IBA57: variants seen among roughly 807,000 people sequenced by gnomAD.
The protein encoded by IBA57 is iron-sulfur cluster assembly factor IBA57, also known as iron-sulfur cluster assembly factor IBA57, mitochondrial.
Under a neutral mutation model 20.4 loss-of-function variants are expected in IBA57, and 20 were observed. The ratio of observed to expected loss-of-function variants is 0.98; its 90% CI spans 0.69 to 1.42. The LOEUF is 1.42. Ranked by LOEUF, IBA57 falls within the 40% of genes most tolerant of loss-of-function variation. IBA57 has a pLI of 0.00. For synonymous variants in IBA57, 310 were observed against 233.9 expected (o/e 1.33, Z -2.97); for missense variants, 608 against 499.3 (o/e 1.22, Z -2.07).
In IBA57 at chr1:228,175,788, G is replaced by C; in HGVS notation, c.*275G>C. 5.4e-6 allele frequency: 2 copies of C among 368,872 alleles called. No homozygotes were observed. The highest frequency in any genetic ancestry group is 7.3e-4 in the Middle Eastern group (1 of 1,364). The allele number at this position is 368,872 out of a possible 1,614,324, so 22.8% of individuals were successfully genotyped here. ...CCAGATGGCGCCGGGTCCCAATCGT[G>C]GCTCCACACAGGGTTGTCTGGGAGG... On this transcript the variant is annotated 3_prime_UTR_variant, in exon 3 of 3. Coordinates refer to ENST00000366711, the MANE Select transcript of IBA57 (RefSeq NM_001010867.4).
At chr1:228,167,712 C>T (rs896653555) in intron 1 of IBA57, among the ~76,000 whole-genome samples, 1 of 152,310 alleles carries the variant, frequency 6.6e-6, no homozygotes, top group East Asian at 1.9e-4. Flanking sequence ...GCCCTCAAGC[C>T]TAAGTTATTC....
At chr1:228,166,338 A>G (rs866194232) in intron 1 of IBA57, among the ~76,000 whole-genome samples, 181 bp downstream of exon 1, 27 of 151,906 alleles carry the variant, frequency 1.8e-4, no homozygotes, top group African/African-American at 6.3e-4. Flanking sequence ...ACTCAGGGTC[A>G]GGCACCCAGG....
At position 228,175,156 on chromosome 1, in the gene IBA57, G is replaced by C. The variant is rs949063916; in HGVS notation, c.714G>C (p.Gly238=). ...VPEGVRDLPP[G]VALPLESNLA... ...AGGGGGTCCGAGACTTGCCTCCTGG[G>C]GTGGCCCTGCCCCTGGAGTCCAACC... The change falls in exon 3 of 3, where the codon GGG becomes GGC. Residue 238 remains glycine, a synonymous_variant. Coordinates refer to ENST00000366711, the MANE Select transcript of IBA57 (RefSeq NM_001010867.4). 3.1e-6 allele frequency: 5 copies of C among 1,612,760 alleles called. No individual in the cohort carries two copies. The highest frequency in any genetic ancestry group is 4.2e-6 in the Non-Finnish European group (5 of 1,179,938).
In IBA57 at chr1:228,166,106, C is replaced by T. The variant is rs1199345320; in HGVS notation, c.290C>T (p.Ala97Val). Residue 97 changes from alanine to valine, a missense_variant, in exon 1 of 3, where the codon GCC becomes GTC. Coordinates refer to ENST00000366711, the MANE Select transcript of IBA57 (RefSeq NM_001010867.4). ...CCGCCTGCTGCGCGCGCGGGCTACGCCCACTTCCTGAACGTGCAGGGCCGG... is the reference window on the plus strand; with the variant it reads ...CCGCCTGCTGCGCGCGCGGGCTACGTCCACTTCCTGAACGTGCAGGGCCGG... Reference protein sequence around the residue: ...GAPPAARAGYAHFLNVQGRTL... With the variant: ...GAPPAARAGYVHFLNVQGRTL... The T allele has an allele frequency of 6.5e-7, 1 of 1,536,616 alleles. No individual in the cohort carries two copies. Among genetic ancestry groups the T allele is most frequent in the Admixed American group, 2.0e-5 (1 of 49,620 alleles).
At position 228,179,522 on chromosome 1, in the gene IBA57, A is replaced by G. The variant is rs781537018; in HGVS notation, c.*4009A>G. 6.6e-6 allele frequency: 1 copy of G among 152,178 alleles called. No homozygotes were observed. The highest frequency in any genetic ancestry group is 1.5e-5 in the Non-Finnish European group (1 of 68,038). 9.4% of individuals were successfully genotyped at this position (152,178 alleles called of 1,614,324 possible). On this transcript the variant is annotated 3_prime_UTR_variant, in exon 3 of 3. Transcript: ENST00000366711. ...TCCGCAATTTACGAGTAATTCCAGA[A>G]GGAGGGGAAAGAGAATATGGGGTGG...
rs2034911341 is a variant in IBA57 at position 228,170,641 on chromosome 1, G to T, written c.342-4051G>T. Among the ~76,000 whole-genome samples, 1 of 152,214 alleles carries T rather than the reference G, an allele frequency of 6.6e-6. No homozygotes were observed. Among genetic ancestry groups the T allele is most frequent in the Non-Finnish European group, 1.5e-5 (1 of 68,036 alleles). ...TTGGTTTTGATCTCTCTTCATGTAG[G>T]AGGCAGAGAGAGGCTGTAGGGTCAT... On this transcript the variant is annotated intron_variant, in intron 1 of 2. Coordinates refer to ENST00000366711, the MANE Select transcript of IBA57 (RefSeq NM_001010867.4). This position sits in a 1 kb window ranked among gnomAD's most constrained non-coding sequence, Gnocchi z 4.8.
rs1266137242 is a variant in IBA57, at chr1:228,176,385, C to G, written c.*872C>G. 1 of 152,516 alleles carries G rather than the reference C, an allele frequency of 6.6e-6. No individual in the cohort carries two copies. The highest frequency in any genetic ancestry group is 1.5e-5 in the Non-Finnish European group (1 of 68,296). 9.4% of individuals were successfully genotyped at this position (152,516 alleles called of 1,614,324 possible). On this transcript the variant is annotated 3_prime_UTR_variant, in exon 3 of 3. Coordinates refer to ENST00000366711, the MANE Select transcript of IBA57 (RefSeq NM_001010867.4). ...TATTAAAGAGTGAGCCACAGGCAGCCCCTTGGGAGCTCTGGTTTCATTTGG... is the reference window on the plus strand; with the variant it reads ...TATTAAAGAGTGAGCCACAGGCAGCGCCTTGGGAGCTCTGGTTTCATTTGG...
rs1298057318 is a variant in IBA57, at chr1:228,165,864, C to T, written c.48C>T (p.Gly16=). The T allele has an allele frequency of 1.5e-6, 2 of 1,313,590 alleles. No homozygotes were observed. The highest frequency in any genetic ancestry group is 1.9e-6 in the Non-Finnish European group (2 of 1,037,984). 81.4% of individuals were successfully genotyped at this position (1,313,590 alleles called of 1,614,324 possible). ...LLRGATPGRG[G]PVWRWRLRAA... ...GAGGCGCCACTCCGGGGCGCGGCGG[C>T]CCGGTCTGGCGCTGGCGGCTGCGCG... The change falls in exon 1 of 3, where the codon GGC becomes GGT. Residue 16 remains glycine, a synonymous_variant. Transcript: ENST00000366711.
chr1:228,175,491 G>C lies in IBA57; in HGVS notation c.1049G>C (p.Trp350Ser). 6.3e-7 allele frequency: 1 copy of C among 1,583,266 alleles called. No individual in the cohort carries two copies. The highest frequency in any genetic ancestry group is 8.6e-7 in the Non-Finnish European group (1 of 1,162,586). Residue 350 changes from tryptophan to serine, a missense_variant, in exon 3 of 3, where the codon TGG becomes TCG. Transcript: ENST00000366711. ...GCCTTAGCCGCATCTGTGCCAGACT[G>C]GTGGCCTACAGTCTCCAAGTAGTCC... The part of the protein sequence containing the change: ...QVALAASVPD[W>S]WPTVSK
rs74142624 is a variant in IBA57, at chr1:228,176,845, G to A, written c.*1332G>A. 7.3e-3 allele frequency: 1,098 copies of A among 151,210 alleles called. 12 individuals carry two copies. The highest frequency in any genetic ancestry group is 0.026 in the African/African-American group (1,049 of 41,074). The allele number at this position is 151,210 out of a possible 1,614,324, so 9.4% of individuals were successfully genotyped here. A position where few individuals can be genotyped will look rare whatever the true frequency, so the allele number is the denominator to read the frequency against. ...GTAGAGCGGATGGACGGGAGGAAGC[G>A]GCTGCAGCTGGAGGGAAGAGAGGGG... On this transcript the variant is annotated 3_prime_UTR_variant, in exon 3 of 3. Transcript: ENST00000366711.
chr1:228,174,949 C>G lies in IBA57; in HGVS notation c.599C>G (p.Thr200Ser), dbSNP rs149136930. The G allele has an allele frequency of 6.4e-7, 1 of 1,573,330 alleles. No individual in the cohort carries two copies. The part of the protein sequence containing the change: ...RTARMGWRLL[T>S]QDEGPALVPG... ...GCACGCATGGGGTGGCGGCTCCTCACCCAGGATGAAGGCCCAGCCCTGGTG... is the reference window on the plus strand; with the variant it reads ...GCACGCATGGGGTGGCGGCTCCTCAGCCAGGATGAAGGCCCAGCCCTGGTG... Residue 200 changes from threonine to serine, a missense_variant, in exon 2 of 3, where the codon ACC becomes AGC. Coordinates refer to ENST00000366711, the MANE Select transcript of IBA57 (RefSeq NM_001010867.4).
Position 228,180,956 on chromosome 1 carries a change from A to T in IBA57, c.*5443A>T, listed in dbSNP as rs949691452. On this transcript the variant is annotated 3_prime_UTR_variant, in exon 3 of 3. Transcript: ENST00000366711. ...CCACAGGTGCATGCTAATTTTTAAA[A>T]TTTTTTGTTTTTAAATGCTGGTCTT... The T allele has an allele frequency of 6.6e-5, 10 of 151,648 alleles. 1 individual carries two copies. Among genetic ancestry groups the T allele is most frequent in the African/African-American group, 2.2e-4 (9 of 41,258 alleles). 9.4% of individuals were successfully genotyped at this position (151,648 alleles called of 1,614,324 possible). A position where few individuals can be genotyped will look rare whatever the true frequency, so the allele number is the denominator to read the frequency against.
At chr1:228,168,133 CCTT>C (rs1376761024) in intron 1 of IBA57, among the ~76,000 whole-genome samples, 2 of 152,160 alleles carry the variant, frequency 1.3e-5, no homozygotes, top group East Asian at 1.9e-4. Flanking sequence ...CAAGACCAAC[CCTT>C]CTTCTCCTTC....
In IBA57 at chr1:228,178,837, G is replaced by A. The variant is rs1007832343; in HGVS notation, c.*3324G>A. On this transcript the variant is annotated 3_prime_UTR_variant, in exon 3 of 3. Coordinates refer to ENST00000366711, the MANE Select transcript of IBA57 (RefSeq NM_001010867.4). ...CGAGAGGAGAGGCAGGAGCCTGGGA[G>A]AGCCTCTGCTAGACCTTTCCTGGCA... The A allele has an allele frequency of 6.6e-6, 1 of 152,236 alleles. No homozygotes were observed. The highest frequency in any genetic ancestry group is 2.4e-5 in the African/African-American group (1 of 41,464). The allele number at this position is 152,236 out of a possible 1,614,324, so 9.4% of individuals were successfully genotyped here.
Position 228,180,885 on chromosome 1 carries a change from CTGGG to C in IBA57, c.*5373_*5376del, listed in dbSNP as rs2035099961. ...CATTGCCCAGGCTGGTCTTGAATTT[CTGGG>C]CTCAGGTGATCTTCCCACCTCAGCC... On this transcript the variant is annotated 3_prime_UTR_variant, in exon 3 of 3. Coordinates refer to ENST00000366711, the MANE Select transcript of IBA57 (RefSeq NM_001010867.4). The C allele has an allele frequency of 6.7e-6, 1 of 149,308 alleles. No homozygotes were observed. Among genetic ancestry groups the C allele is most frequent in the Non-Finnish European group, 1.5e-5 (1 of 67,568 alleles). 9.2% of individuals were successfully genotyped at this position (149,308 alleles called of 1,614,324 possible).
At chr1:228,172,317 A>G (rs1175035988) in intron 1 of IBA57, 1 of 152,202 alleles carries the variant, frequency 6.6e-6, no homozygotes, top group Non-Finnish European at 1.5e-5. Context: ...ATCTGTGGCC[A>G]TTCTCAGGCC....
intron 1 of IBA57, among the ~76,000 whole-genome samples, chr1:228,166,387 CA>C (rs1558123477): frequency 3.3e-5 from 5 of 151,820 alleles, no homozygotes; most frequent in Admixed American, 2.6e-4. Context: ...GAAGCTCACC[CA>C]GGGCCCAGCA....
rs570075795 is a variant in IBA57, at chr1:228,175,169, C to A, written c.727C>A (p.Leu243Met). The change falls in exon 3 of 3, where the codon CTG becomes ATG. Residue 243 changes from leucine to methionine, a missense_variant. Leu to Met is a conservative substitution (Grantham distance 15). Coordinates refer to ENST00000366711, the MANE Select transcript of IBA57 (RefSeq NM_001010867.4). The part of the protein sequence containing the change: ...RDLPPGVALP[L>M]ESNLAFMNGV... ...CTTGCCTCCTGGGGTGGCCCTGCCC[C>A]TGGAGTCCAACCTGGCCTTCATGAA... 1.2e-6 allele frequency: 2 copies of A among 1,612,818 alleles called. No individual in the cohort carries two copies. The highest frequency in any genetic ancestry group is 1.7e-6 in the Non-Finnish European group (2 of 1,179,966).
chr1:228,167,126 G>C (rs180708537), intron 1 of IBA57, among the ~76,000 whole-genome samples: 1 of 152,334 alleles, frequency 6.6e-6, no homozygotes, highest in East Asian at 1.9e-4. Flanking sequence ...TATGTGAACT[G>C]TGTTTTTCTC....
Sources: gnomAD v4.1 joint callset for allele counts (sites outside exome capture counted in the v4.1 genomes callset) on GRCh38, gnomAD v4.1.1 for gene constraint, Gnocchi (gnomAD v3.1) non-coding constraint, MANE v1.5 for transcripts, NCBI Gene and HGNC (gene_info 2026-07-23, HGNC 2026-07-21) for gene names.